RABGAP1: variants seen among roughly 807,000 people sequenced by gnomAD.
RABGAP1 encodes the protein rab GTPase-activating protein 1.
A neutral mutation model predicts 137.6 loss-of-function variants in RABGAP1; 23 were observed. The ratio of observed to expected loss-of-function variants is 0.17; its 90% confidence interval spans 0.12 to 0.24. The LOEUF is 0.24. Ranked by LOEUF, RABGAP1 falls within the 10% of genes least tolerant of loss-of-function variation. RABGAP1 has a pLI of 1.00. For synonymous variants in RABGAP1, 451 were observed against 450.7 expected, an observed-to-expected ratio of 1.00 and a Z score of -0.01; for missense variants, 906 against 1,275.8, an observed-to-expected ratio of 0.71 and a Z score of 4.42.
intron 2 of RABGAP1, among the ~76,000 whole-genome samples, chr9:122,960,107 G>T (rs1223531165): frequency 6.6e-6 from 1 of 152,224 alleles, no homozygotes; most frequent in Non-Finnish European, 1.5e-5. Flanking sequence ...AATTGGGGAA[G>T]ATTGGTAGAT....
At chr9:122,945,265 A>G (rs937144878) in intron 1 of RABGAP1, 2 of 150,472 alleles carry the variant, frequency 1.3e-5, no homozygotes, top group African/African-American at 2.5e-5. Context: ...AATATTGGAT[A>G]GACGTTTAAG....
chr9:122,992,164 G>A (rs1836759980), intron 6 of RABGAP1, among the ~76,000 whole-genome samples: 1 of 151,928 alleles, frequency 6.6e-6, no homozygotes, highest in Non-Finnish European at 1.5e-5. Flanking sequence ...AGCCTCCTGA[G>A]TAGCTGGGAT....
At chr9:123,031,320 C>T (rs984132398) in intron 13 of RABGAP1, among the ~76,000 whole-genome samples, 2 of 152,018 alleles carry the variant, frequency 1.3e-5, no homozygotes, top group African/African-American at 4.8e-5. Flanking sequence ...TTAAGGTGCT[C>T]AGTAAATATG....
chr9:122,985,483 G>A (rs1192044776), intron 3 of RABGAP1, among the ~76,000 whole-genome samples: 1 of 151,988 alleles, frequency 6.6e-6, no homozygotes, highest in Non-Finnish European at 1.5e-5. Flanking sequence ...GTGGTGGCAC[G>A]CACCTGTAGT....
intron 6 of RABGAP1, among the ~76,000 whole-genome samples, chr9:122,992,708 A>G (rs1836801158): frequency 6.7e-6 from 1 of 148,362 alleles, no homozygotes; most frequent in African/African-American, 2.4e-5. Flanking sequence ...TTTAGGTATA[A>G]TAATAATTAT....
At chr9:123,082,002 T>G (rs1376294383) in intron 19 of RABGAP1, among the ~76,000 whole-genome samples, 1 of 152,006 alleles carries the variant, frequency 6.6e-6, no homozygotes, top group African/African-American at 2.4e-5. Context: ...GGTGTGGCAG[T>G]ATCTGAAATG....
chr9:123,027,052 G>A (rs1020260260), intron 13 of RABGAP1, among the ~76,000 whole-genome samples: 2 of 151,240 alleles, frequency 1.3e-5, no homozygotes, highest in African/African-American at 4.9e-5. Context: ...CTTTTATCCA[G>A]AAGCAAACTA....
chr9:123,056,127 T>C (rs770027246), intron 13 of RABGAP1, among the ~76,000 whole-genome samples: 3 of 152,230 alleles, frequency 2.0e-5, no homozygotes, highest in African/African-American at 4.8e-5. Context: ...TACCAAAATA[T>C]AGATGCTAGG....
At chr9:123,001,196 G>A (rs750214946) in intron 10 of RABGAP1, among the ~76,000 whole-genome samples, 8 of 152,106 alleles carry the variant, frequency 5.3e-5, no homozygotes, top group Non-Finnish European at 7.4e-5. Flanking sequence ...ATAATGCCAT[G>A]TAACATACTT....
intron 13 of RABGAP1, among the ~76,000 whole-genome samples, chr9:123,038,719 T>G (rs1046173789): frequency 2.6e-5 from 4 of 151,554 alleles, no homozygotes; most frequent in Non-Finnish European, 4.4e-5. Context: ...TCATTTCAGG[T>G]TGAAGAAAAA....
chr9:123,065,200 C>A, intron 13 of RABGAP1, 148 bp from the exon 14 acceptor site: 2 of 596,316 alleles, frequency 3.4e-6, no homozygotes, highest in East Asian at 2.7e-5. Flanking sequence ...TGGTTGGTCC[C>A]TGAAGAGGCA....
At position 123,051,225 on chromosome 9, in the gene RABGAP1, T is replaced by TGG. The variant is rs796249887; in HGVS notation, c.1795-14123_1795-14122insGG. 2.8e-3 allele frequency among the ~76,000 whole-genome samples: 72 copies of TGG among 25,758 alleles called. 4 individuals carry two copies. Among genetic ancestry groups the TGG allele is most frequent in the East Asian group, 0.017 (4 of 232 alleles). The allele number at this position is 25,758 out of a possible 152,430, so 16.9% of individuals were successfully genotyped here. On this transcript the variant is annotated intron_variant, in intron 13 of 25. Coordinates refer to ENST00000373647, the MANE Select transcript of RABGAP1 (RefSeq NM_012197.4). ...GATTTTATTCACCTTGGTTTTTTTT[T>TGG]TTTTTTTTTTTTTTTTTTTTTTTTT...
chr9:123,047,482 T>G (rs1200859806), intron 13 of RABGAP1, among the ~76,000 whole-genome samples: 1 of 152,182 alleles, frequency 6.6e-6, no homozygotes. Context: ...ACTAATATAC[T>G]TTGCTTGGGA....
chr9:123,061,091 C>G (rs2033953581), intron 13 of RABGAP1, among the ~76,000 whole-genome samples: 3 of 152,278 alleles, frequency 2.0e-5, no homozygotes, highest in Middle Eastern at 3.4e-3. Context: ...CAGTTTGCCT[C>G]TCACTTTTGT....
At position 123,103,484 on chromosome 9, in the gene RABGAP1, G is replaced by A. The variant is rs2035401678; in HGVS notation, c.*271G>A. On this transcript the variant is annotated 3_prime_UTR_variant, in exon 26 of 26. Transcript: ENST00000373647. Reference sequence around the variant, plus strand: ...GTGACCTCCCAGGCCTCTTCCCCGTGTACGTCAACACCTCACCCAGCCTAA... The same window carrying A: ...GTGACCTCCCAGGCCTCTTCCCCGTATACGTCAACACCTCACCCAGCCTAA... The A allele has an allele frequency of 4.0e-6, 1 of 250,726 alleles. No homozygotes were observed. The highest frequency in any genetic ancestry group is 7.6e-6 in the Non-Finnish European group (1 of 132,084). 15.5% of individuals were successfully genotyped at this position (250,726 alleles called of 1,614,324 possible). A position where few individuals can be genotyped will look rare whatever the true frequency, so the allele number is the denominator to read the frequency against.
chr9:123,103,347 G>C lies in RABGAP1; in HGVS notation c.*134G>C, dbSNP rs993873333. 2.5e-5 allele frequency: 34 copies of C among 1,379,194 alleles called. No homozygotes were observed. The highest frequency in any genetic ancestry group is 3.0e-5 in the Non-Finnish European group (31 of 1,019,070). The allele number at this position is 1,379,194 out of a possible 1,614,324, so 85.4% of individuals were successfully genotyped here. ...TCAGATCCATAGACGCATGTTGGTA[G>C]GTCACTGGACCAGAGCTTGTGAAGC... is the stretch of plus-strand genomic sequence containing the variant. On this transcript the variant is annotated 3_prime_UTR_variant, in exon 26 of 26. Transcript: ENST00000373647.
At chr9:123,061,442 G>A (rs1487244911) in intron 13 of RABGAP1, among the ~76,000 whole-genome samples, 2 of 152,156 alleles carry the variant, frequency 1.3e-5, no homozygotes, top group Non-Finnish European at 2.9e-5. Context: ...ATAAAGTTTT[G>A]TTAGGACACA....
chr9:123,084,075 T>G (rs531035116), intron 19 of RABGAP1, among the ~76,000 whole-genome samples: 162 of 152,370 alleles, frequency 1.1e-3, no homozygotes, highest in South Asian at 1.9e-3. Flanking sequence ...TGATACGGTA[T>G]GATGTGAGCC....
intron 13 of RABGAP1, among the ~76,000 whole-genome samples, chr9:123,027,001 T>C (rs1055881082): frequency 1.8e-4 from 27 of 152,228 alleles, no homozygotes; most frequent in African/African-American, 5.3e-4. Context: ...TCTGCATCAT[T>C]TTCTCTAGTT....
Sources: gnomAD v4.1 joint callset for allele counts (sites outside exome capture counted in the v4.1 genomes callset) on GRCh38, gnomAD v4.1.1 for gene constraint, MANE v1.5 for transcripts, NCBI Gene and HGNC (gene_info 2026-07-23, HGNC 2026-07-21) for gene names.